ATL1: variants seen among roughly 807,000 people sequenced by gnomAD.
ATL1 encodes the protein atlastin-1.
A neutral mutation model predicts 75.5 loss-of-function variants in ATL1; 31 were observed. The ratio of observed to expected loss-of-function variants is 0.41; its 90% CI spans 0.31 to 0.55. The LOEUF (loss-of-function observed/expected upper bound fraction) is 0.55. Among genes scored for constraint, ATL1 ranks in the 20% least tolerant of loss-of-function variants. The pLI, the probability that ATL1 is intolerant of heterozygous loss-of-function variation, is 0.27. For synonymous variants in ATL1, 226 were observed against 233.3 expected (o/e 0.97, Z 0.28); for missense variants, 405 against 662.6 (o/e 0.61, Z 4.27).
chr14:50,582,686 A>G (rs113571409), intron 1 of ATL1, among the ~76,000 whole-genome samples: 4,948 of 151,824 alleles, frequency 0.033, 258 homozygotes, highest in African/African-American at 0.11. Context: ...TCGGCCTCCC[A>G]AAGTGCTGGG....
intron 1 of ATL1, among the ~76,000 whole-genome samples, chr14:50,537,622 C>A (rs1229844632): frequency 6.6e-6 from 1 of 152,236 alleles, no homozygotes; most frequent in Admixed American, 6.5e-5. Context: ...CCTGCAAAGC[C>A]ACAGGGGCAG....
In ATL1 at chr14:50,613,817, G is replaced by C. The variant is rs181703736; in HGVS notation, c.723+466G>C. Among the ~76,000 whole-genome samples, 69 of 152,254 alleles carry C rather than the reference G, an allele frequency of 4.5e-4. 1 individual carries two copies. Among genetic ancestry groups the C allele is most frequent in the Admixed American group, 4.4e-3 (68 of 15,294 alleles). On this transcript the variant is annotated intron_variant, in intron 7 of 13. Coordinates refer to ENST00000358385, the MANE Select transcript of ATL1 (RefSeq NM_015915.5). ...TACAAAAATGTTCCTTGAAAATTGG[G>C]ATCTCTGAACTTATTAGGTTTACAG...
intron 6 of ATL1, among the ~76,000 whole-genome samples, chr14:50,613,014 A>G (rs2039380582): frequency 6.6e-6 from 1 of 152,068 alleles, no homozygotes; most frequent in African/African-American, 2.4e-5. Context: ...GTCATCTCTC[A>G]GTGGGGTGCG....
chr14:50,577,136 C>G (rs1471328022), intron 1 of ATL1, among the ~76,000 whole-genome samples: 1 of 152,144 alleles, frequency 6.6e-6, no homozygotes, highest in Non-Finnish European at 1.5e-5. Flanking sequence ...AATCTCAGCT[C>G]TCTGCAACCT....
intron 11 of ATL1, among the ~76,000 whole-genome samples, chr14:50,625,778 C>CG (rs1566734952): frequency 6.6e-6 from 1 of 151,910 alleles, no homozygotes; most frequent in African/African-American, 2.4e-5. Flanking sequence ...GGCGCAGAGG[C>CG]GGGCACCTGT....
intron 1 of ATL1, among the ~76,000 whole-genome samples, chr14:50,568,089 A>G (rs1384597204): frequency 6.6e-6 from 1 of 152,188 alleles, no homozygotes; most frequent in Non-Finnish European, 1.5e-5. Context: ...TGAGAATAGG[A>G]TATTGAAGTC....
At chr14:50,552,855 T>C (rs1221582959) in intron 1 of ATL1, among the ~76,000 whole-genome samples, 1 of 151,946 alleles carries the variant, frequency 6.6e-6, no homozygotes, top group Non-Finnish European at 1.5e-5. Flanking sequence ...TATAGAAAAA[T>C]CAACTCAAGA....
chr14:50,535,430 TCTC>T lies in ATL1; in HGVS notation c.-140+2066_-140+2068del, dbSNP rs563532919. The stretch of plus-strand genomic sequence containing the variant: ...CATACAGATTTAAGCAATCTGGTAA[TCTC>T]CTGATTAATCTGCCAACATAAACTA... On this transcript the variant is annotated intron_variant, in intron 1 of 13. Coordinates refer to the ATL1 transcript ENST00000441560. 1.4e-3 allele frequency among the ~76,000 whole-genome samples: 208 copies of T among 152,374 alleles called. 1 individual carries two copies. Among genetic ancestry groups the T allele is most frequent in the Non-Finnish European group, 2.4e-3 (160 of 68,038 alleles).
chr14:50,610,417 G>A (rs890758243), intron 6 of ATL1, among the ~76,000 whole-genome samples: 1 of 152,014 alleles, frequency 6.6e-6, no homozygotes, highest in African/African-American at 2.4e-5. Flanking sequence ...AACTATGAAA[G>A]CAACAGAAGA....
At chr14:50,535,834 A>T (rs1174584574) in intron 1 of ATL1, among the ~76,000 whole-genome samples, 1 of 152,080 alleles carries the variant, frequency 6.6e-6, no homozygotes, top group Non-Finnish European at 1.5e-5. Flanking sequence ...CCCAAATCTC[A>T]TCTTGAATTC....
intron 4 of ATL1, among the ~76,000 whole-genome samples, chr14:50,593,067 T>C (rs1278156612): frequency 6.6e-6 from 1 of 151,604 alleles, no homozygotes; most frequent in Non-Finnish European, 1.5e-5. Flanking sequence ...ACTGACTTAA[T>C]CTAATTTATT....
chr14:50,560,777 C>T (rs766743534), intron 1 of ATL1, among the ~76,000 whole-genome samples: 1 of 152,164 alleles, frequency 6.6e-6, no homozygotes, highest in East Asian at 1.9e-4. Flanking sequence ...CGCGGGCTCC[C>T]GGCGGCGGGC....
At chr14:50,552,962 A>G (rs2038721166) in intron 1 of ATL1, among the ~76,000 whole-genome samples, 1 of 152,190 alleles carries the variant, frequency 6.6e-6, no homozygotes, top group Non-Finnish European at 1.5e-5. Context: ...CAAAGAATTC[A>G]TGACTAAGAA....
chr14:50,614,191 A>G (rs190301749), intron 7 of ATL1, among the ~76,000 whole-genome samples, 182 bp from the exon 8 acceptor site: 1 of 152,330 alleles, frequency 6.6e-6, no homozygotes, highest in Admixed American at 6.5e-5. Context: ...CGTTTTCTAT[A>G]CTTAGACACG....
chr14:50,548,128 G>A (rs1462142778), intron 1 of ATL1, among the ~76,000 whole-genome samples: 1 of 152,150 alleles, frequency 6.6e-6, no homozygotes, highest in Non-Finnish European at 1.5e-5. Flanking sequence ...AAATTCCTGG[G>A]AGTTACCTGG....
intron 6 of ATL1, among the ~76,000 whole-genome samples, chr14:50,604,592 G>A (rs895575385): frequency 1.3e-5 from 2 of 152,036 alleles, no homozygotes; most frequent in African/African-American, 2.4e-5. Context: ...ATACTTTTAA[G>A]GTAAGAACTA....
At chr14:50,593,558 G>GT (rs1180430818) in intron 4 of ATL1, among the ~76,000 whole-genome samples, 10 of 152,228 alleles carry the variant, frequency 6.6e-5, no homozygotes, top group African/African-American at 2.2e-4. Context: ...GGAAGAATGA[G>GT]TTTTTTTGAC....
intron 1 of ATL1, among the ~76,000 whole-genome samples, chr14:50,572,442 C>T (rs1595588279): frequency 2.0e-5 from 3 of 152,158 alleles, no homozygotes; most frequent in South Asian, 2.1e-4. Context: ...TAGTAATTTA[C>T]ATTTTTCTTG....
intron 1 of ATL1, among the ~76,000 whole-genome samples, chr14:50,540,392 A>T (rs1337028158): frequency 6.6e-6 from 1 of 152,214 alleles, no homozygotes; most frequent in Non-Finnish European, 1.5e-5. Flanking sequence ...CCTGAATCTT[A>T]GACATAAACC....
Sources: gnomAD v4.1 joint callset for allele counts (sites outside exome capture counted in the v4.1 genomes callset) on GRCh38, gnomAD v4.1.1 for gene constraint, MANE v1.5 for transcripts, NCBI Gene and HGNC (gene_info 2026-07-23, HGNC 2026-07-21) for gene names.